The following RAPGEF2 variants were observed in gnomAD, a reference collection of about 807,000 sequenced individuals.
The protein encoded by RAPGEF2 is Rap guanine nucleotide exchange factor 2, also known as PDZ domain containing guanine nucleotide exchange factor (GEF) 1.
In RAPGEF2, 54 loss-of-function variants were observed where a neutral mutation model predicts 186.7. The ratio of observed to expected loss-of-function variants is 0.29; its 90% CI spans 0.23 to 0.36. RAPGEF2 has a LOEUF of 0.36. Ranked by LOEUF, RAPGEF2 falls within the 10% of genes least tolerant of loss-of-function variation. RAPGEF2 has a pLI of 1.00. For synonymous variants in RAPGEF2, 712 were observed against 705.9 expected (o/e 1.01, Z -0.14); for missense variants, 1,532 against 2,045.0 (o/e 0.75, Z 4.84).
intron 1 of RAPGEF2, among the ~76,000 whole-genome samples, chr4:159,125,611 A>G (rs1296760489): frequency 6.6e-6 from 1 of 152,072 alleles, no homozygotes; most frequent in East Asian, 1.9e-4. Context: ...ACAAAAATTT[A>G]GCCGGGCATG....
chr4:159,137,893 A>G (rs1275470543), intron 1 of RAPGEF2, among the ~76,000 whole-genome samples: 1 of 152,196 alleles, frequency 6.6e-6, no homozygotes, highest in Non-Finnish European at 1.5e-5. Context: ...TGATTTAATG[A>G]GTTAAAAAAT....
chr4:159,115,984 C>T (rs866195511), intron 1 of RAPGEF2, among the ~76,000 whole-genome samples: 1 of 152,096 alleles, frequency 6.6e-6, no homozygotes, highest in African/African-American at 2.4e-5. Context: ...TATAAAAACC[C>T]TAGAAGAAAA....
chr4:159,138,683 A>G (rs1027182725), intron 1 of RAPGEF2, among the ~76,000 whole-genome samples: 12 of 152,232 alleles, frequency 7.9e-5, no homozygotes, highest in African/African-American at 2.9e-4. Context: ...AATGATGTAG[A>G]CAAGATAATT....
intron 28 of RAPGEF2, among the ~76,000 whole-genome samples, chr4:159,354,616 C>G (rs1056026963): frequency 6.9e-6 from 1 of 145,296 alleles, no homozygotes; most frequent in African/African-American, 2.7e-5. Flanking sequence ...GATTGAATCC[C>G]TGTTTTGCCA....
intron 7 of RAPGEF2, among the ~76,000 whole-genome samples, chr4:159,260,697 A>C (rs187376595): frequency 3.3e-5 from 5 of 152,298 alleles, no homozygotes; most frequent in African/African-American, 1.2e-4. Flanking sequence ...GCCTGGTACA[A>C]AGTAAGAACT....
At chr4:159,112,596 T>C (rs182213913) in intron 1 of RAPGEF2, among the ~76,000 whole-genome samples, 407 of 152,156 alleles carry the variant, frequency 2.7e-3, no homozygotes, top group Non-Finnish European at 4.5e-3. Context: ...CTGATATAAG[T>C]AAGTAGTTGA....
intron 7 of RAPGEF2, among the ~76,000 whole-genome samples, chr4:159,295,240 G>A (rs977804035): frequency 2.0e-5 from 3 of 152,178 alleles, no homozygotes; most frequent in African/African-American, 7.2e-5. Context: ...CCAACAGTTG[G>A]TGTGTTTTTC....
At chr4:159,275,054 C>CGTGTGTGTGTGT (rs35461332) in intron 7 of RAPGEF2, among the ~76,000 whole-genome samples, 88 of 143,980 alleles carry the variant, frequency 6.1e-4, no homozygotes, top group Non-Finnish European at 9.9e-4. Context: ...CTCTGTCTCT[C>CGTGTGTGTGTGT]GTGTGTGTGT....
intron 1 of RAPGEF2, among the ~76,000 whole-genome samples, chr4:159,104,543 A>T (rs1391001548): frequency 5.5e-5 from 7 of 128,182 alleles, no homozygotes; most frequent in African/African-American, 9.6e-5. Context: ...ACAGAGAGAG[A>T]GAGAGAGAGA....
At chr4:159,213,924 C>G (rs1750758184) in intron 4 of RAPGEF2, among the ~76,000 whole-genome samples, 1 of 152,158 alleles carries the variant, frequency 6.6e-6, no homozygotes, top group South Asian at 2.1e-4. Flanking sequence ...GATATTTATA[C>G]AAGTGCCTGT....
At chr4:159,207,344 C>A (rs1422392611) in intron 3 of RAPGEF2, among the ~76,000 whole-genome samples, 1 of 152,218 alleles carries the variant, frequency 6.6e-6, no homozygotes, top group African/African-American at 2.4e-5. Context: ...ACTTTGAACA[C>A]TGGTTGCCTT....
rs141024264 is a variant in RAPGEF2 at position 159,169,589 on chromosome 4, C to T, written c.70-17053C>T. ...GATCAACATCTCCCCAACAGCCCCC[C>T]CTCCCCAGCCCCTTGTGACCACTGT... is the stretch of plus-strand genomic sequence containing the variant. On this transcript the variant is annotated intron_variant, in intron 1 of 29. Transcript: ENST00000691494. 5.3e-5 allele frequency among the ~76,000 whole-genome samples: 8 copies of T among 152,160 alleles called. No homozygotes were observed. In the East Asian group the frequency reaches 1.4e-3, roughly 26 times the overall value.
At chr4:159,223,627 C>T (rs566648778) in intron 4 of RAPGEF2, among the ~76,000 whole-genome samples, 11 of 152,278 alleles carry the variant, frequency 7.2e-5, no homozygotes, top group African/African-American at 2.6e-4. Flanking sequence ...TTAAGAAATT[C>T]CATTTCATTA....
intron 1 of RAPGEF2, among the ~76,000 whole-genome samples, chr4:159,124,993 A>G (rs1161884309): frequency 6.6e-6 from 1 of 151,812 alleles, no homozygotes; most frequent in African/African-American, 2.4e-5. Flanking sequence ...TTTCTAGCCT[A>G]ACTTTCTTGA....
At chr4:159,197,991 C>CCTGACCCT (rs1748843174) in intron 3 of RAPGEF2, among the ~76,000 whole-genome samples, 1 of 152,146 alleles carries the variant, frequency 6.6e-6, no homozygotes, top group African/African-American at 2.4e-5. Flanking sequence ...AGACCGTAAG[C>CCTGACCCT]CTGACCCTAA....
rs1737495446 is a variant in RAPGEF2 at position 159,104,051 on chromosome 4, A to C, written c.-112A>C. On this transcript the variant is annotated 5_prime_UTR_variant, in exon 1 of 30. Transcript: ENST00000691494. The stretch of plus-strand genomic sequence containing the variant: ...CGCCGCCGCCGCGGTTTGGCTGATT[A>C]GTCGCGGGCGGGCGGGCGGGCGCAG... 1 of 454,232 alleles carries C rather than the reference A, an allele frequency of 2.2e-6. No homozygotes were observed. Among genetic ancestry groups the C allele is most frequent in the Admixed American group, 6.0e-5 (1 of 16,720 alleles). 28.1% of individuals were successfully genotyped at this position (454,232 alleles called of 1,614,324 possible).
chr4:159,265,305 A>G (rs1302778677), intron 7 of RAPGEF2, among the ~76,000 whole-genome samples: 1 of 152,186 alleles, frequency 6.6e-6, no homozygotes, highest in African/African-American at 2.4e-5. Flanking sequence ...TTGGGACTAC[A>G]TGCAAAATTA....
At chr4:159,163,030 A>G (rs571556063) in intron 1 of RAPGEF2, among the ~76,000 whole-genome samples, 2 of 152,196 alleles carry the variant, frequency 1.3e-5, no homozygotes, top group South Asian at 4.1e-4. Flanking sequence ...GGAGTTAGTT[A>G]TTTCTGATGA....
chr4:159,317,687 G>A (rs781300826), intron 9 of RAPGEF2, among the ~76,000 whole-genome samples: 3 of 151,942 alleles, frequency 2.0e-5, no homozygotes, highest in African/African-American at 4.8e-5. Context: ...TGCATTTCAC[G>A]TTCTCATTCT....
Sources: gnomAD v4.1 joint callset for allele counts (sites outside exome capture counted in the v4.1 genomes callset) on GRCh38, gnomAD v4.1.1 for gene constraint, MANE v1.5 for transcripts, NCBI Gene and HGNC (gene_info 2026-07-23, HGNC 2026-07-21) for gene names.